Variants in TCF12 observed in about 807,000 individuals in gnomAD.
The protein encoded by TCF12 is transcription factor 12, also known as DNA-binding protein HTF4.
A neutral mutation model predicts 86.0 loss-of-function variants in TCF12; 45 were observed. That is an observed-to-expected ratio of 0.52 (90% CI 0.41 to 0.67). TCF12 has a LOEUF of 0.67. Among genes scored for constraint, TCF12 ranks in the 30% least tolerant of loss-of-function variants. The probability of loss-of-function intolerance (pLI) is 0.00; values close to 1 mark genes in which losing one functional copy is unlikely to be tolerated. For missense variants in TCF12, 881 were observed against 859.9 expected (o/e 1.02, Z -0.31); for synonymous variants, 330 against 299.6 (o/e 1.10, Z -1.05).
chr15:56,927,286 A>G (rs1025834877), intron 3 of TCF12, among the ~76,000 whole-genome samples: 16 of 152,246 alleles, frequency 1.1e-4, no homozygotes, highest in African/African-American at 2.4e-4. Flanking sequence ...TTTTCTGCAT[A>G]TAAAGTTAAT....
intron 3 of TCF12, among the ~76,000 whole-genome samples, chr15:57,044,543 G>C (rs954117867): frequency 6.6e-6 from 1 of 152,138 alleles, no homozygotes; most frequent in African/African-American, 2.4e-5. Context: ...TGCTCAGAGA[G>C]AGTTCCAGAT....
intron 3 of TCF12, among the ~76,000 whole-genome samples, chr15:57,059,841 TG>T (rs1199322877): frequency 2.0e-5 from 3 of 151,322 alleles, no homozygotes; most frequent in African/African-American, 7.3e-5. Context: ...TTCCAGTTTT[TG>T]CTAGTGGATC....
rs1476162946 is a variant in TCF12, at chr15:57,192,208, T to G, written c.441T>G (p.Ser147=). Residue 147 remains serine (S), a synonymous_variant, in exon 7 of 21, where the codon TCT becomes TCG. Transcript: ENST00000333725. ...GGCTTGGGAGCCCAGCACAGCTATCTTCTTCAGGAAAACCTGGGACAGCAT... is the reference window on the plus strand; with the variant it reads ...GGCTTGGGAGCCCAGCACAGCTATCGTCTTCAGGAAAACCTGGGACAGCAT... The part of the protein sequence containing the change: ...DLGLGSPAQL[S]SSGKPGTAYY... 1 of 1,613,792 alleles carries G rather than the reference T, an allele frequency of 6.2e-7. No homozygotes were observed. Among genetic ancestry groups the G allele is most frequent in the Non-Finnish European group, 8.5e-7 (1 of 1,179,804 alleles).
rs775508687 is a variant in TCF12, at chr15:57,063,742, C to G, written c.149-8C>G. The G allele has an allele frequency of 6.3e-7, 1 of 1,595,982 alleles. No homozygotes were observed. The highest frequency in any genetic ancestry group is 1.7e-5 in the Admixed American group (1 of 59,804). The stretch of plus-strand genomic sequence containing the variant: ...TTAGATATATCTTTTATTTTCTTCT[C>G]TTTTTAGGTATTGATGAAAGAGGAG... On this transcript the variant is annotated splice_polypyrimidine_tract_variant and splice_region_variant and intron_variant, in intron 3 of 20. Coordinates refer to ENST00000333725, the MANE Select transcript of TCF12 (RefSeq NM_207037.2).
At chr15:57,121,129 C>T (rs1166130837) in intron 5 of TCF12, among the ~76,000 whole-genome samples, 2 of 152,186 alleles carry the variant, frequency 1.3e-5, no homozygotes, top group Non-Finnish European at 2.9e-5. Flanking sequence ...AGCTGACATA[C>T]ATTCCAGAGG....
At chr15:57,140,429 A>G (rs1232134998) in intron 5 of TCF12, among the ~76,000 whole-genome samples, 3 of 152,138 alleles carry the variant, frequency 2.0e-5, no homozygotes, top group Admixed American at 2.0e-4. Flanking sequence ...TCATCCAACA[A>G]CCCTTGAGTA....
At chr15:57,084,413 A>G (rs1170653466) in intron 4 of TCF12, among the ~76,000 whole-genome samples, 1 of 152,210 alleles carries the variant, frequency 6.6e-6, no homozygotes, top group Admixed American at 6.5e-5. Context: ...CTACAAAAAG[A>G]AATAATAGGG....
chr15:57,154,145 A>G (rs1268495712), intron 5 of TCF12, among the ~76,000 whole-genome samples: 2 of 152,226 alleles, frequency 1.3e-5, no homozygotes, highest in Admixed American at 6.5e-5. Flanking sequence ...TGAAACAGAG[A>G]TACCAAGAGA....
intron 5 of TCF12, among the ~76,000 whole-genome samples, chr15:57,096,072 T>G (rs1192752408): frequency 6.6e-6 from 1 of 152,184 alleles, no homozygotes; most frequent in East Asian, 1.9e-4. Context: ...TACCTGTTGT[T>G]TCTTCATAGC....
At chr15:57,002,792 TC>T (rs1399380112) in intron 3 of TCF12, among the ~76,000 whole-genome samples, 2 of 152,210 alleles carry the variant, frequency 1.3e-5, no homozygotes, top group African/African-American at 2.4e-5. Context: ...CTATGGCGCT[TC>T]TCATGCTGTA....
chr15:57,222,362 ATTTTATTC>A (rs1455881656), intron 8 of TCF12, among the ~76,000 whole-genome samples: 4 of 151,832 alleles, frequency 2.6e-5, no homozygotes, highest in African/African-American at 9.7e-5. Flanking sequence ...TATGGCCAGT[ATTTTATTC>A]TTGGATATGT....
At chr15:56,995,096 C>A (rs1365876665) in intron 3 of TCF12, among the ~76,000 whole-genome samples, 2 of 151,984 alleles carry the variant, frequency 1.3e-5, no homozygotes, top group East Asian at 3.9e-4. Flanking sequence ...ATGTTATAAT[C>A]CCTAGAGCCA....
chr15:56,989,029 TA>T (rs1234693428), intron 3 of TCF12, among the ~76,000 whole-genome samples: 7 of 152,246 alleles, frequency 4.6e-5, no homozygotes, highest in African/African-American at 1.7e-4. Flanking sequence ...GCAAAGTATA[TA>T]AAAAATAAAG....
intron 3 of TCF12, among the ~76,000 whole-genome samples, chr15:57,013,822 A>G (rs1173483891): frequency 2.0e-5 from 3 of 152,236 alleles, no homozygotes; most frequent in African/African-American, 7.2e-5. Context: ...ATTGCATAAG[A>G]TATAATTTGG....
chr15:56,998,124 G>A (rs1186640621), intron 3 of TCF12, among the ~76,000 whole-genome samples: 14 of 152,112 alleles, frequency 9.2e-5, no homozygotes, highest in African/African-American at 2.4e-4. Context: ...CTTCTCTTAC[G>A]AATAGAACTA....
Position 57,273,121 on chromosome 15 carries a change from C to A in TCF12, c.1837C>A (p.Arg613Ser). 1 of 1,614,196 alleles carries A rather than the reference C, an allele frequency of 6.2e-7. No individual in the cohort carries two copies. Among genetic ancestry groups the A allele is most frequent in the Non-Finnish European group, 8.5e-7 (1 of 1,180,036 alleles). The part of the protein sequence containing the change: ...RMANNARERL[R>S]VRDINEAFKE... ...GGCTAACAATGCCAGAGAACGCTTA[C>A]GCGTGCGGGATATTAATGAAGCATT... is the stretch of plus-strand genomic sequence containing the variant. The change falls in exon 19 of 21, where the codon CGC becomes AGC. Residue 613 changes from arginine to serine, a missense_variant. Arg to Ser is a moderately radical substitution (Grantham distance 110, BLOSUM62 -1). Transcript: ENST00000333725.
At chr15:56,931,685 A>G (rs1324161144) in intron 3 of TCF12, among the ~76,000 whole-genome samples, 7 of 152,318 alleles carry the variant, frequency 4.6e-5, no homozygotes, top group East Asian at 3.9e-4. Context: ...CATTACAGGC[A>G]TCTTAATTAA....
chr15:57,001,660 G>A (rs770080308), intron 3 of TCF12, among the ~76,000 whole-genome samples: 3 of 152,146 alleles, frequency 2.0e-5, no homozygotes, highest in Non-Finnish European at 4.4e-5. Flanking sequence ...TTTCCTTGAA[G>A]GGTCATTCAT....
chr15:56,997,814 A>G (rs557839690), intron 3 of TCF12, among the ~76,000 whole-genome samples: 14 of 152,354 alleles, frequency 9.2e-5, no homozygotes, highest in African/African-American at 3.4e-4. Flanking sequence ...TATGCTGTCT[A>G]TTGGAAACTT....
Sources: gnomAD v4.1 joint callset for allele counts (sites outside exome capture counted in the v4.1 genomes callset) on GRCh38, gnomAD v4.1.1 for gene constraint, MANE v1.5 for transcripts, NCBI Gene and HGNC (gene_info 2026-07-23, HGNC 2026-07-21) for gene names.